The following RGS8 variants were observed in gnomAD, a reference collection of about 807,000 sequenced individuals.
RGS8 encodes the protein regulator of G protein signaling 8, also known as regulator of G-protein signaling 8.
A neutral mutation model predicts 21.7 loss-of-function variants in RGS8; 8 were observed. The ratio of observed to expected loss-of-function variants is 0.37; its 90% CI spans 0.22 to 0.66. The LOEUF (loss-of-function observed/expected upper bound fraction) is 0.66, where lower values mean the gene tolerates loss of function less well. RGS8 is among the 30% of genes least tolerant of loss of function. RGS8 has a pLI of 0.59. For synonymous variants in RGS8, 80 were observed against 83.6 expected, an observed-to-expected ratio of 0.96 and a Z score of 0.24; for missense variants, 157 against 217.9, an observed-to-expected ratio of 0.72 and a Z score of 1.76.
intron 1 of RGS8, among the ~76,000 whole-genome samples, chr1:182,678,409 TG>T (rs1014830313): frequency 1.3e-5 from 2 of 152,238 alleles, no homozygotes; most frequent in African/African-American, 4.8e-5. Context: ...TTTCTCCCCT[TG>T]AATAAATCCA....
chr1:182,742,258 G>A, the RGS8 span, among the ~76,000 whole-genome samples: 2 of 150,876 alleles, frequency 1.3e-5, no homozygotes, highest in Admixed American at 6.6e-5. Context: ...TTCCAGACTG[G>A]GCAGCCAGGC....
the RGS8 span, among the ~76,000 whole-genome samples, chr1:182,718,756 T>A: frequency 2.0e-5 from 3 of 152,220 alleles, no homozygotes; most frequent in East Asian, 5.8e-4. Flanking sequence ...CTTCTCTTTA[T>A]AGTTTTAATT....
chr1:182,740,345 A>T, the RGS8 span, among the ~76,000 whole-genome samples: 3 of 152,218 alleles, frequency 2.0e-5, no homozygotes, highest in Non-Finnish European at 4.4e-5. Context: ...ATTTACTGAT[A>T]CTTATTCTGT....
At chr1:182,677,449 G>A (rs1664401946), upstream of RGS8, among the ~76,000 whole-genome samples, 2 of 152,120 alleles carry the variant, frequency 1.3e-5, no homozygotes, top group Non-Finnish European at 2.9e-5. Flanking sequence ...ATTTTACATA[G>A]AGGATTACTT....
chr1:182,672,409 C>T (rs1664213326), upstream of RGS8, among the ~76,000 whole-genome samples: 1 of 152,050 alleles, frequency 6.6e-6, no homozygotes, highest in Non-Finnish European at 1.5e-5. Context: ...ATTCCACCCC[C>T]TTTCTCTCAA....
the RGS8 span, among the ~76,000 whole-genome samples, chr1:182,727,541 T>C: frequency 6.6e-6 from 1 of 152,188 alleles, no homozygotes; most frequent in African/African-American, 2.4e-5. Flanking sequence ...ATAGAACCTT[T>C]TCTTGAACAA....
intron 6 of RGS8, 24 bp from the exon 8 acceptor site, chr1:182,646,941 G>A: frequency 6.3e-7 from 1 of 1,598,374 alleles, no homozygotes; most frequent in Non-Finnish European, 8.5e-7. Flanking sequence ...CAGAGAGCAA[G>A]GTCACAGGCC....
At chr1:182,741,293 G>C in the RGS8 span, among the ~76,000 whole-genome samples, 1 of 63,500 alleles carries the variant, frequency 1.6e-5, no homozygotes, top group African/African-American at 6.8e-5. Context: ...CGGACGGGGC[G>C]GCTGGCCGGG....
intron 5 of RGS8, among the ~76,000 whole-genome samples, chr1:182,663,342 A>G (rs1226073862): frequency 6.6e-6 from 1 of 152,216 alleles, no homozygotes; most frequent in African/African-American, 2.4e-5. Context: ...TAAAAGCTTG[A>G]AATTCTACCA....
chr1:182,738,122 A>G, the RGS8 span, among the ~76,000 whole-genome samples: 3 of 152,262 alleles, frequency 2.0e-5, no homozygotes, highest in African/African-American at 7.2e-5. Context: ...AGACTCATAA[A>G]ATGCTAATTC....
the RGS8 span, among the ~76,000 whole-genome samples, chr1:182,736,761 T>G: frequency 6.6e-6 from 1 of 152,180 alleles, no homozygotes; most frequent in Non-Finnish European, 1.5e-5. Flanking sequence ...GGATGCTGCA[T>G]CAGAGAATAG....
Position 182,660,784 on chromosome 1 carries a change from C to A in RGS8, c.193+5185G>T, listed in dbSNP as rs118064097. Among the ~76,000 whole-genome samples the A allele has an allele frequency of 9.0e-4, 136 of 151,824 alleles. 2 individuals carry two copies. In the East Asian group the frequency reaches 0.026, roughly 29 times the overall value. On this transcript the variant is annotated intron_variant, in intron 5 of 6. Coordinates refer to ENST00000483095, the Ensembl canonical transcript of RGS8. ...TTCTCAAGCTGAGATGTGCATAAAC[C>A]TTCCTGGAGGGTTTGTGAGAAAAAG...
chr1:182,726,774 G>A, the RGS8 span, among the ~76,000 whole-genome samples: 2 of 152,116 alleles, frequency 1.3e-5, no homozygotes, highest in Admixed American at 1.3e-4. Context: ...GAATGTTGCA[G>A]CCATCTTCAT....
chr1:182,677,681 T>G (rs185093099), upstream of RGS8, among the ~76,000 whole-genome samples: 4 of 152,342 alleles, frequency 2.6e-5, no homozygotes, highest in Non-Finnish European at 5.9e-5. Flanking sequence ...AGCATTCATT[T>G]GTCTCCTCAC....
the RGS8 span, among the ~76,000 whole-genome samples, chr1:182,732,068 A>T: frequency 5.9e-5 from 9 of 152,304 alleles, no homozygotes; most frequent in East Asian, 1.7e-3. Context: ...AGGGATAGAT[A>T]CTGACGACTT....
the RGS8 span, among the ~76,000 whole-genome samples, chr1:182,722,747 C>G: frequency 2.0e-5 from 3 of 151,938 alleles, no homozygotes; most frequent in Admixed American, 1.3e-4. Context: ...GAGTCTGAGG[C>G]GGGTGGATCA....
the RGS8 span, among the ~76,000 whole-genome samples, chr1:182,742,009 C>T: frequency 6.8e-6 from 1 of 147,948 alleles, no homozygotes; most frequent in Non-Finnish European, 1.5e-5. Flanking sequence ...GGCAGAGGGT[C>T]TCCTCACTTC....
upstream of RGS8, among the ~76,000 whole-genome samples, chr1:182,688,054 T>C (rs1664744456): frequency 1.3e-5 from 2 of 152,242 alleles, no homozygotes; most frequent in African/African-American, 4.8e-5. Flanking sequence ...GGTAAGGCTT[T>C]AGAAACCTTC....
chr1:182,727,776 T>C, the RGS8 span, among the ~76,000 whole-genome samples: 1 of 152,182 alleles, frequency 6.6e-6, no homozygotes, highest in East Asian at 1.9e-4. Context: ...TCTCTCATTA[T>C]GCATATTAAT....
Sources: allele counts gnomAD v4.1 joint callset (sites outside exome capture counted in the v4.1 genomes callset), GRCh38; gene constraint gnomAD v4.1.1; transcripts MANE v1.5; gene names NCBI Gene and HGNC (gene_info 2026-07-23, HGNC 2026-07-21).